Variants in ANKRD17 observed in about 807,000 individuals in gnomAD.
The protein encoded by ANKRD17 is ankyrin repeat domain-containing protein 17.
Under a neutral mutation model 229.7 loss-of-function variants are expected in ANKRD17, and 19 were observed. The ratio of observed to expected loss-of-function variants is 0.08; its 90% confidence interval spans 0.06 to 0.12. The LOEUF (loss-of-function observed/expected upper bound fraction) is 0.12, where lower values mean the gene tolerates loss of function less well. ANKRD17 is among the 10% of genes least tolerant of loss of function. The pLI is 1.00. For missense variants in ANKRD17, 2,176 were observed against 3,176.8 expected (o/e 0.68, Z 7.57); for synonymous variants, 1,112 against 1,146.1 (o/e 0.97, Z 0.60).
At chr4:73,146,024 GC>G in intron 10 of ANKRD17, among the ~76,000 whole-genome samples, 1 of 152,112 alleles carries the variant, frequency 6.6e-6, no homozygotes, top group South Asian at 2.1e-4. Context: ...ACTAAAATGG[GC>G]CTTTGGATGT....
intron 24 of ANKRD17, among the ~76,000 whole-genome samples, chr4:73,107,889 A>T (rs1320721002): frequency 6.6e-6 from 1 of 152,222 alleles, no homozygotes; most frequent in African/African-American, 2.4e-5. Context: ...GAAGAGGATC[A>T]GGGTGCTACA....
chr4:73,155,562 T>C lies in ANKRD17; in HGVS notation c.1000+69A>G, dbSNP rs1731553717. The C allele has an allele frequency of 1.9e-6, 3 of 1,582,662 alleles. 1 individual carries two copies. Among genetic ancestry groups the C allele is most frequent in the Middle Eastern group, 3.4e-4 (2 of 5,958 alleles). On this transcript the variant is annotated intron_variant, in intron 5 of 33. Coordinates refer to ENST00000358602, the MANE Select transcript of ANKRD17 (RefSeq NM_032217.5). Reference sequence around the variant, plus strand: ...CTGAAAAATTAGCACTAAACATCACTTTCATGCAAAATCATTATTACCAAA... The same window carrying C: ...CTGAAAAATTAGCACTAAACATCACCTTCATGCAAAATCATTATTACCAAA...
intron 1 of ANKRD17, among the ~76,000 whole-genome samples, chr4:73,227,806 C>CA (rs1316536150): frequency 6.6e-6 from 1 of 151,854 alleles, no homozygotes; most frequent in Admixed American, 6.6e-5. Flanking sequence ...AAAATCAAAA[C>CA]AAAAAAATAT....
At chr4:73,232,751 C>A (rs1264125742) in intron 1 of ANKRD17, among the ~76,000 whole-genome samples, 1 of 152,018 alleles carries the variant, frequency 6.6e-6, no homozygotes. Flanking sequence ...TGAGACAGAG[C>A]CTCACTCTCT....
At chr4:73,101,060 T>C (rs1723920674) in intron 25 of ANKRD17, 1 of 876,050 alleles carries the variant, frequency 1.1e-6, no homozygotes. Flanking sequence ...AATGTAGAGA[T>C]GATTTAAAGT....
intron 30 of ANKRD17, among the ~76,000 whole-genome samples, chr4:73,084,304 T>C (rs1248337955): frequency 6.6e-6 from 1 of 152,034 alleles, no homozygotes; most frequent in African/African-American, 2.4e-5. Context: ...CTTGAGCCAT[T>C]GCACTACAGC....
intron 1 of ANKRD17, among the ~76,000 whole-genome samples, chr4:73,213,504 A>C (rs930968135): frequency 2.0e-5 from 3 of 152,206 alleles, no homozygotes; most frequent in Admixed American, 6.5e-5. Context: ...TTTAACACTG[A>C]ACCTAACACT....
At chr4:73,170,017 T>C (rs986985959) in intron 2 of ANKRD17, among the ~76,000 whole-genome samples, 1 of 152,078 alleles carries the variant, frequency 6.6e-6, no homozygotes, top group African/African-American at 2.4e-5. Flanking sequence ...CTGCAATTCC[T>C]AGGCAAGTCC....
Position 73,091,294 on chromosome 4 carries a change from G to C in ANKRD17, c.6334C>G (p.Pro2112Ala). 6.2e-7 allele frequency: 1 copy of C among 1,614,218 alleles called. No homozygotes were observed. Among genetic ancestry groups the C allele is most frequent in the South Asian group, 1.1e-5 (1 of 91,088 alleles). ...SSAHSNQQQPPGSVSQEPRPP... is the reference protein window; with the variant it reads ...SSAHSNQQQPAGSVSQEPRPP... Reference sequence around the variant, plus strand: ...CTTGGTTCCTGAGAAACAGATCCCGGAGGTTGTTGCTGATTAGAATGAGCT... The same window carrying C: ...CTTGGTTCCTGAGAAACAGATCCCGCAGGTTGTTGCTGATTAGAATGAGCT... Residue 2112 changes from proline to alanine, a missense_variant, in exon 29 of 34, where the codon CCG becomes GCG. By Grantham distance (27) the Pro-to-Ala change is conservative (BLOSUM62 -1). This residue lies in a region of ANKRD17 where 424 missense variants were observed against 454.0 expected (regional missense o/e 0.93). Coordinates refer to ENST00000358602, the MANE Select transcript of ANKRD17 (RefSeq NM_032217.5).
At chr4:73,130,568 A>AT (rs1299731255) in intron 16 of ANKRD17, among the ~76,000 whole-genome samples, 2 of 151,956 alleles carry the variant, frequency 1.3e-5, no homozygotes, top group Admixed American at 1.3e-4. Flanking sequence ...AATATATGTT[A>AT]ATTATTAAAA....
intron 24 of ANKRD17, among the ~76,000 whole-genome samples, chr4:73,107,406 G>A (rs778824036): frequency 1.3e-5 from 2 of 152,168 alleles, no homozygotes; most frequent in African/African-American, 4.8e-5. Context: ...TCAGTAAACC[G>A]GATAAAACAT....
Position 73,199,211 on chromosome 4 carries a change from T to C in ANKRD17, c.394-21678A>G, listed in dbSNP as rs1192434843. On this transcript the variant is annotated intron_variant, in intron 1 of 33. Coordinates refer to ENST00000358602, the MANE Select transcript of ANKRD17 (RefSeq NM_032217.5). ...GCTACCCTAACAGGCTGCGAAAACA[T>C]ACAGTTTGGCTGTGTGTGTGTGTGT... Among the ~76,000 whole-genome samples, 11 of 144,048 alleles carry C rather than the reference T, an allele frequency of 7.6e-5. No homozygotes were observed. The Admixed American group carries it at 7.9e-4, about 10-fold the overall frequency. The allele number at this position is 144,048 out of a possible 152,430, so 94.5% of individuals were successfully genotyped here. A position where few individuals can be genotyped will look rare whatever the true frequency, so the allele number is the denominator to read the frequency against.
chr4:73,161,648 A>G (rs1011780345), intron 2 of ANKRD17, among the ~76,000 whole-genome samples: 26 of 152,188 alleles, frequency 1.7e-4, no homozygotes, highest in African/African-American at 5.8e-4. Context: ...CGTATATTCA[A>G]AGGTTGCTAA....
intron 30 of ANKRD17, among the ~76,000 whole-genome samples, chr4:73,081,690 A>C (rs1037479271): frequency 6.6e-6 from 1 of 152,152 alleles, no homozygotes; most frequent in Non-Finnish European, 1.5e-5. Context: ...AAGAATGAAA[A>C]ATTACAAATA....
rs767985081 is a variant in ANKRD17, at chr4:73,092,312, G to GA, written c.5328-13dup. On this transcript the variant is annotated splice_polypyrimidine_tract_variant and intron_variant, in intron 28 of 33. Transcript: ENST00000358602. The stretch of plus-strand genomic sequence containing the variant: ...ATTCAGTGCCACCCCTATAAATTGA[G>GA]AAAAAAAAATTAGGTAGAATTTTCC... The GA allele has an allele frequency of 1.8e-4, 277 of 1,566,008 alleles. No individual in the cohort carries two copies. The highest frequency in any genetic ancestry group is 2.0e-4 in the Non-Finnish European group (236 of 1,160,654).
chr4:73,176,080 AAT>A (rs1734698974), intron 2 of ANKRD17, among the ~76,000 whole-genome samples: 3 of 152,186 alleles, frequency 2.0e-5, no homozygotes, highest in Admixed American at 6.5e-5. Flanking sequence ...TGATAACCAG[AAT>A]ATATAAGGAG....
At chr4:73,153,566 C>A (rs1467781190) in intron 6 of ANKRD17, among the ~76,000 whole-genome samples, 1 of 152,034 alleles carries the variant, frequency 6.6e-6, no homozygotes, top group Non-Finnish European at 1.5e-5. Flanking sequence ...TTTAAAATAC[C>A]ATGTACCCCT....
At chr4:73,238,542 T>C (rs1743721503) in intron 1 of ANKRD17, among the ~76,000 whole-genome samples, 1 of 152,152 alleles carries the variant, frequency 6.6e-6, no homozygotes, top group Non-Finnish European at 1.5e-5. Flanking sequence ...CAGAGCAGTA[T>C]TAACTAGCTA....
intron 23 of ANKRD17, 25 bp from the exon 24 acceptor site, chr4:73,113,933 C>T: frequency 6.6e-7 from 1 of 1,517,724 alleles, no homozygotes; most frequent in African/African-American, 1.4e-5. Context: ...TAAGATTTTT[C>T]CAGGCTCACA....
Sources: gnomAD v4.1 joint callset for allele counts (sites outside exome capture counted in the v4.1 genomes callset) on GRCh38, gnomAD v4.1.1 for gene constraint, gnomAD v4.1.1 regional missense constraint, MANE v1.5 for transcripts, NCBI Gene and HGNC (gene_info 2026-07-23, HGNC 2026-07-21) for gene names.